Variants in SPOCK1 observed in about 807,000 individuals in gnomAD.
SPOCK1 encodes testican-1.
A neutral mutation model predicts 55.3 loss-of-function variants in SPOCK1; 23 were observed. That is an observed-to-expected ratio of 0.42 (90% confidence interval 0.30 to 0.59). The LOEUF (loss-of-function observed/expected upper bound fraction) is 0.59, where lower values mean the gene tolerates loss of function less well. SPOCK1 is among the 20% of genes least tolerant of loss of function. The pLI, the probability that SPOCK1 is intolerant of heterozygous loss-of-function variation, is 0.22. For missense variants in SPOCK1, 499 were observed against 552.5 expected (o/e 0.90, Z 0.97); for synonymous variants, 226 against 221.0 (o/e 1.02, Z -0.20).
At chr5:137,176,602 A>G (rs1754858481) in intron 3 of SPOCK1, among the ~76,000 whole-genome samples, 2 of 152,118 alleles carry the variant, frequency 1.3e-5, no homozygotes, top group African/African-American at 4.8e-5. Context: ...TCGGTAATTA[A>G]AAATGACTCT....
At chr5:137,399,507 C>T (rs1751929508) in intron 2 of SPOCK1, among the ~76,000 whole-genome samples, 2 of 151,852 alleles carry the variant, frequency 1.3e-5, no homozygotes, top group African/African-American at 2.4e-5. Context: ...CACCACATTG[C>T]CTCTTTAAGT....
chr5:137,297,652 G>GAACA (rs1757514927), intron 2 of SPOCK1, among the ~76,000 whole-genome samples: 1 of 152,106 alleles, frequency 6.6e-6, no homozygotes, highest in African/African-American at 2.4e-5. Context: ...AATCCTCGAG[G>GAACA]AACAGGGTGG....
chr5:137,033,369 C>T (rs1751821239), intron 6 of SPOCK1, among the ~76,000 whole-genome samples: 1 of 152,236 alleles, frequency 6.6e-6, no homozygotes. Flanking sequence ...CATTTGCTGA[C>T]AAGCCTGCCT....
intron 3 of SPOCK1, among the ~76,000 whole-genome samples, chr5:137,161,696 A>G (rs1318688929): frequency 6.6e-6 from 1 of 152,178 alleles, no homozygotes; most frequent in Non-Finnish European, 1.5e-5. Flanking sequence ...TAATAAATGC[A>G]TGCTTGATAA....
At chr5:137,262,547 C>T (rs1482898130) in intron 3 of SPOCK1, among the ~76,000 whole-genome samples, 1 of 152,334 alleles carries the variant, frequency 6.6e-6, no homozygotes, top group Non-Finnish European at 1.5e-5. Context: ...GGAGTGTCCC[C>T]CAAGAGACGT....
intron 2 of SPOCK1, among the ~76,000 whole-genome samples, chr5:137,455,058 C>G (rs1288195071): frequency 6.6e-6 from 1 of 152,182 alleles, no homozygotes; most frequent in African/African-American, 2.4e-5. Flanking sequence ...GATACATGTT[C>G]AATTCTCAAA....
chr5:136,993,883 A>G (rs887189757), intron 6 of SPOCK1, among the ~76,000 whole-genome samples: 1 of 152,218 alleles, frequency 6.6e-6, no homozygotes, highest in South Asian at 2.1e-4. Flanking sequence ...TAAGGTGATC[A>G]GCCCCCATCG....
At chr5:137,379,272 A>G (rs1751405633) in intron 2 of SPOCK1, among the ~76,000 whole-genome samples, 1 of 151,668 alleles carries the variant, frequency 6.6e-6, no homozygotes, top group East Asian at 1.9e-4. Flanking sequence ...AAGCCACCAG[A>G]ATGAAAACTT....
In SPOCK1 at chr5:136,978,189, G is replaced by A. The variant is rs986015747; in HGVS notation, c.*465C>T. On this transcript the variant is annotated 3_prime_UTR_variant, in exon 11 of 11. Coordinates refer to ENST00000394945, the MANE Select transcript of SPOCK1 (RefSeq NM_004598.4). Reference sequence around the variant, plus strand: ...GCAGGGGGAAAAAGTACAGTGTGGTGTATTTTTTGTTTTTTTCTTTTTCAC... The same window carrying A: ...GCAGGGGGAAAAAGTACAGTGTGGTATATTTTTTGTTTTTTTCTTTTTCAC... The A allele has an allele frequency of 1.1e-5, 4 of 359,502 alleles. No individual in the cohort carries two copies. The highest frequency in any genetic ancestry group is 9.3e-5 in the Admixed American group (2 of 21,620). 22.3% of individuals were successfully genotyped at this position (359,502 alleles called of 1,614,324 possible).
At chr5:137,120,778 A>T (rs1298402761) in intron 4 of SPOCK1, among the ~76,000 whole-genome samples, 1 of 152,196 alleles carries the variant, frequency 6.6e-6, no homozygotes, top group Non-Finnish European at 1.5e-5. Flanking sequence ...CATTTTCAAA[A>T]TTTCTAAAGA....
intron 6 of SPOCK1, among the ~76,000 whole-genome samples, chr5:137,027,569 TTTTA>T (rs1326478153): frequency 6.6e-6 from 1 of 152,170 alleles, no homozygotes; most frequent in Non-Finnish European, 1.5e-5. Flanking sequence ...GAGCTTTTAG[TTTTA>T]TTTAATTTTA....
At chr5:137,227,493 C>T (rs1214984648) in intron 3 of SPOCK1, among the ~76,000 whole-genome samples, 1 of 152,176 alleles carries the variant, frequency 6.6e-6, no homozygotes, top group East Asian at 1.9e-4. Context: ...AATCCTCTGG[C>T]TCTGGTATGC....
intron 3 of SPOCK1, among the ~76,000 whole-genome samples, chr5:137,147,064 T>A (rs988840494): frequency 1.3e-5 from 2 of 152,174 alleles, no homozygotes; most frequent in East Asian, 3.9e-4. Flanking sequence ...GATAAAAGCA[T>A]CTTCTCTGTT....
chr5:137,065,086 G>A (rs1580732323), intron 6 of SPOCK1, among the ~76,000 whole-genome samples: 1 of 152,024 alleles, frequency 6.6e-6, no homozygotes, highest in South Asian at 2.1e-4. Context: ...AAATCAGCTA[G>A]GCGTGGTGGT....
At chr5:137,094,395 T>C (rs1435426301) in intron 5 of SPOCK1, among the ~76,000 whole-genome samples, 1 of 152,196 alleles carries the variant, frequency 6.6e-6, no homozygotes, top group Non-Finnish European at 1.5e-5. Flanking sequence ...TTCAGAAGTA[T>C]TGTGGGTTCA....
chr5:137,228,141 C>T (rs1755981294), intron 3 of SPOCK1, among the ~76,000 whole-genome samples: 1 of 152,190 alleles, frequency 6.6e-6, no homozygotes, highest in South Asian at 2.1e-4. Context: ...AGCCCCAGGA[C>T]TCATACATGA....
intron 2 of SPOCK1, chr5:137,313,312 T>G: frequency 3.4e-6 from 2 of 587,428 alleles, no homozygotes; most frequent in Non-Finnish European, 4.3e-6. Flanking sequence ...ACTACAATCA[T>G]TTAGTTGGAA....
At chr5:137,106,712 C>A (rs1457764207) in intron 5 of SPOCK1, among the ~76,000 whole-genome samples, 1 of 152,180 alleles carries the variant, frequency 6.6e-6, no homozygotes, top group East Asian at 1.9e-4. Context: ...CCTGCCCCAA[C>A]CATGCCCACC....
intron 4 of SPOCK1, among the ~76,000 whole-genome samples, chr5:137,137,388 C>T (rs754343684): frequency 6.6e-6 from 1 of 152,156 alleles, no homozygotes; most frequent in African/African-American, 2.4e-5. Flanking sequence ...TGTGGAAGGA[C>T]AGATGTTTCT....
Sources: allele counts gnomAD v4.1 joint callset (sites outside exome capture counted in the v4.1 genomes callset), GRCh38; gene constraint gnomAD v4.1.1; transcripts MANE v1.5; gene names NCBI Gene and HGNC (gene_info 2026-07-23, HGNC 2026-07-21).